CX3CR1: variants seen among roughly 807,000 people sequenced by gnomAD.
CX3CR1 encodes CX3C chemokine receptor 1.
For synonymous variants in CX3CR1, 168 were observed against 178.5 expected, an observed-to-expected ratio of 0.94 and a Z score of 0.47; for missense variants, 363 against 432.4, an observed-to-expected ratio of 0.84 and a Z score of 1.42.
intron 1 of CX3CR1, among the ~76,000 whole-genome samples, chr3:39,275,667 A>G (rs991237185): frequency 2.0e-5 from 3 of 152,210 alleles, no homozygotes; most frequent in African/African-American, 7.2e-5. Flanking sequence ...TGCTTATTCC[A>G]TAATAAAACT....
intron 1 of CX3CR1, among the ~76,000 whole-genome samples, chr3:39,277,831 T>C (rs1410142031): frequency 6.6e-6 from 1 of 152,182 alleles, no homozygotes; most frequent in Non-Finnish European, 1.5e-5. Flanking sequence ...CATTCAATAG[T>C]AGTCAGTGTT....
At chr3:39,277,065 T>C (rs1467049774) in intron 1 of CX3CR1, among the ~76,000 whole-genome samples, 1 of 152,192 alleles carries the variant, frequency 6.6e-6, no homozygotes, top group African/African-American at 2.4e-5. Context: ...TACAACACAC[T>C]GAAAAGAGAC....
upstream of CX3CR1, chr3:39,286,224 C>T (rs1209884709): frequency 6.6e-6 from 1 of 152,238 alleles, no homozygotes; most frequent in East Asian, 1.9e-4. Flanking sequence ...TAGTACAGTG[C>T]AGAGGTGAGG....
At chr3:39,282,697 G>A (rs1268972145), upstream of CX3CR1, among the ~76,000 whole-genome samples, 1 of 152,182 alleles carries the variant, frequency 6.6e-6, no homozygotes, top group Admixed American at 6.5e-5. Flanking sequence ...TGCAGAAAAG[G>A]AGAGTGAGAA....
chr3:39,270,312 C>T (rs2040761298), intron 1 of CX3CR1, among the ~76,000 whole-genome samples: 1 of 152,200 alleles, frequency 6.6e-6, no homozygotes, highest in Non-Finnish European at 1.5e-5. Flanking sequence ...TGGGATTTAT[C>T]GTAGACACAC....
chr3:39,283,721 A>C (rs962211439), upstream of CX3CR1, among the ~76,000 whole-genome samples: 1 of 145,856 alleles, frequency 6.9e-6, no homozygotes, highest in Non-Finnish European at 1.5e-5. Context: ...TGGAGGTTGC[A>C]GTGAGCCGAG....
At chr3:39,281,780 A>C, upstream of CX3CR1, 39 of 998,254 alleles carry the variant, frequency 3.9e-5, no homozygotes, top group Non-Finnish European at 5.2e-5. Context: ...TTCCCCCAAC[A>C]TGCCTGTGCC....
Position 39,267,974 on chromosome 3 carries a change from C to T in CX3CR1, c.-9-1456G>A, listed in dbSNP as rs1349780216. On this transcript the variant is annotated intron_variant, in intron 1 of 1. Transcript: ENST00000399220. The stretch of plus-strand genomic sequence containing the variant: ...TACCACAGATGGGTCCCTCAGAAAC[C>T]CTCAAAACAGGCCTCCTGGTTGTCA... Among the ~76,000 whole-genome samples the T allele has an allele frequency of 2.0e-5, 3 of 152,340 alleles. No individual in the cohort carries two copies. In the South Asian group the frequency reaches 6.2e-4, roughly 32 times the overall value.
upstream of CX3CR1, among the ~76,000 whole-genome samples, chr3:39,283,821 AT>A (rs1269470315): frequency 9.6e-5 from 7 of 72,588 alleles, 1 homozygote; most frequent in African/African-American, 4.3e-4. Context: ...ATATATATAT[AT>A]ATATATATAT....
upstream of CX3CR1, among the ~76,000 whole-genome samples, chr3:39,283,168 C>T (rs990054473): frequency 2.6e-5 from 4 of 152,214 alleles, no homozygotes; most frequent in African/African-American, 7.2e-5. Flanking sequence ...TGGGATTACA[C>T]GTTTAAGCCA....
In CX3CR1 at chr3:39,266,083, C is replaced by T. The variant is rs560958898; in HGVS notation, c.427G>A (p.Val143Met). ...AGGCTGATGGTGACGCCATGCTGCA[C>T]GGTCCGGTTGTTCATGGAGTTGGCG... ...LAANSMNNRT[V>M]QHGVTISLGV... is the part of the protein sequence containing the mutation. The change falls in exon 2 of 2, where the codon GTG (valine) becomes ATG (methionine). Residue 143 changes from valine (V) to methionine (M), a missense_variant. Val to Met is a conservative substitution (Grantham distance 21, BLOSUM62 1). Coordinates refer to ENST00000399220, the MANE Select transcript of CX3CR1 (RefSeq NM_001337.4). 59 of 1,614,064 alleles carry T rather than the reference C, an allele frequency of 3.7e-5. No individual in the cohort carries two copies. Among genetic ancestry groups the T allele is most frequent in the South Asian group, 9.9e-5 (9 of 91,082 alleles).
intron 1 of CX3CR1, among the ~76,000 whole-genome samples, chr3:39,273,759 C>G (rs148485478): frequency 9.2e-5 from 14 of 152,336 alleles, no homozygotes; most frequent in Non-Finnish European, 1.5e-4. Context: ...CCACCTCAGT[C>G]TCCTAAGTAG....
At chr3:39,275,123 A>G (rs2040824658) in intron 1 of CX3CR1, among the ~76,000 whole-genome samples, 1 of 152,184 alleles carries the variant, frequency 6.6e-6, no homozygotes, top group African/African-American at 2.4e-5. Flanking sequence ...CAGCCTCTCA[A>G]AGTGCTGGGA....
At chr3:39,281,837 A>G (rs977185232), upstream of CX3CR1, 2 of 650,556 alleles carry the variant, frequency 3.1e-6, no homozygotes, top group Admixed American at 2.5e-5. Context: ...TGTCCTGTCC[A>G]GGACGTGATT....
intron 1 of CX3CR1, among the ~76,000 whole-genome samples, chr3:39,278,392 G>T (rs2669842): frequency 3.3e-5 from 5 of 152,128 alleles, no homozygotes; most frequent in South Asian, 2.1e-4. Context: ...TCATTCCCAG[G>T]GGTTTTGAAC....
chr3:39,269,081 T>C (rs548820414), intron 1 of CX3CR1, among the ~76,000 whole-genome samples: 2 of 152,322 alleles, frequency 1.3e-5, no homozygotes, highest in Non-Finnish European at 2.9e-5. Context: ...CCACCCTTTA[T>C]TGAGCTTTTA....
upstream of CX3CR1, among the ~76,000 whole-genome samples, chr3:39,283,901 A>C (rs918348323): frequency 5.5e-5 from 8 of 146,578 alleles, no homozygotes; most frequent in Admixed American, 1.4e-4. Context: ...TTACAAGCAC[A>C]ACAGGGGCAC....
chr3:39,291,180 C>G, the CX3CR1 span, among the ~76,000 whole-genome samples: 2 of 151,820 alleles, frequency 1.3e-5, no homozygotes, highest in African/African-American at 4.8e-5. Flanking sequence ...CCTCAGCCTC[C>G]CAAGTAGCTG....
At chr3:39,284,961 T>C (rs1206477793), upstream of CX3CR1, among the ~76,000 whole-genome samples, 2 of 152,096 alleles carry the variant, frequency 1.3e-5, no homozygotes, top group Non-Finnish European at 2.9e-5. Flanking sequence ...CATTGACAAG[T>C]CGAAAGCAAT....
Sources: gnomAD v4.1 joint callset for allele counts (sites outside exome capture counted in the v4.1 genomes callset) on GRCh38, gnomAD v4.1.1 for gene constraint, MANE v1.5 for transcripts, NCBI Gene and HGNC (gene_info 2026-07-23, HGNC 2026-07-21) for gene names.